Variants in PPP1R1C observed in about 807,000 individuals in gnomAD.
PPP1R1C encodes the protein protein phosphatase 1 regulatory subunit 1C.
PPP1R1C carries 15 observed loss-of-function variants against 17.4 expected under a neutral mutation model. The ratio of observed to expected loss-of-function variants is 0.86; its 90% confidence interval spans 0.58 to 1.33. The LOEUF (loss-of-function observed/expected upper bound fraction) is 1.33. Ranked by LOEUF, PPP1R1C falls within the 40% of genes most tolerant of loss-of-function variation. The pLI is 0.00. For synonymous variants in PPP1R1C, 35 were observed against 43.1 expected (o/e 0.81, Z 0.73); for missense variants, 143 against 130.0 (o/e 1.10, Z -0.48).
intron 4 of PPP1R1C, among the ~76,000 whole-genome samples, chr2:182,103,236 C>G (rs1689151109): frequency 6.6e-6 from 1 of 152,066 alleles, no homozygotes; most frequent in Admixed American, 6.5e-5. Context: ...ACTTTTTCCC[C>G]TAGTTATTAA....
rs532654675 is a variant in PPP1R1C at position 182,000,799 on chromosome 2, C to T, written c.142+12900C>T. 1.5e-3 allele frequency among the ~76,000 whole-genome samples: 231 copies of T among 152,214 alleles called. 1 individual carries two copies. The highest frequency in any genetic ancestry group is 4.7e-3 in the African/African-American group (194 of 41,538). On this transcript the variant is annotated intron_variant, in intron 2 of 4. Coordinates refer to ENST00000682840, the MANE Select transcript of PPP1R1C (RefSeq NM_001080545.3). Reference sequence around the variant, plus strand: ...GATCTATTAATACATTTGCTCCAATCGATTGCTCAATGCCTTTCTGTCACC... The same window carrying T: ...GATCTATTAATACATTTGCTCCAATTGATTGCTCAATGCCTTTCTGTCACC...
At chr2:182,010,458 T>G (rs1466747701) in intron 2 of PPP1R1C, among the ~76,000 whole-genome samples, 2 of 152,128 alleles carry the variant, frequency 1.3e-5, no homozygotes, top group East Asian at 3.8e-4. Context: ...CTACTGATGT[T>G]TGTATGTTAA....
intron 2 of PPP1R1C, among the ~76,000 whole-genome samples, chr2:182,037,373 G>A (rs1425265412): frequency 6.6e-6 from 1 of 152,166 alleles, no homozygotes; most frequent in Non-Finnish European, 1.5e-5. Context: ...AGGATCACGA[G>A]GTCAAGAGAT....
At chr2:181,997,818 G>A (rs1407910126) in intron 2 of PPP1R1C, among the ~76,000 whole-genome samples, 2 of 152,180 alleles carry the variant, frequency 1.3e-5, no homozygotes, top group African/African-American at 4.8e-5. Flanking sequence ...CATATTTGAA[G>A]ACAACTTTTC....
At chr2:182,037,052 T>G (rs992169387) in intron 2 of PPP1R1C, among the ~76,000 whole-genome samples, 4 of 152,190 alleles carry the variant, frequency 2.6e-5, no homozygotes, top group African/African-American at 9.7e-5. Flanking sequence ...GATTGAGGCT[T>G]GAAAATAACA....
At chr2:181,999,448 G>T (rs908158551) in intron 2 of PPP1R1C, among the ~76,000 whole-genome samples, 51 of 152,276 alleles carry the variant, frequency 3.3e-4, no homozygotes, top group African/African-American at 1.2e-3. Context: ...AAGTAGGTCT[G>T]TAATGTACAT....
chr2:181,992,161 T>C (rs1172949121), intron 2 of PPP1R1C, among the ~76,000 whole-genome samples: 1 of 152,154 alleles, frequency 6.6e-6, no homozygotes, highest in Admixed American at 6.6e-5. Context: ...TTTATATACC[T>C]CAGAGAAGAA....
chr2:182,076,954 G>A (rs912358946), intron 4 of PPP1R1C, among the ~76,000 whole-genome samples: 2 of 152,054 alleles, frequency 1.3e-5, no homozygotes, highest in Non-Finnish European at 2.9e-5. Context: ...AATAATAATG[G>A]AATTAGTTTT....
chr2:182,120,891 T>G (rs1689718689), downstream of PPP1R1C, among the ~76,000 whole-genome samples: 1 of 152,192 alleles, frequency 6.6e-6, no homozygotes, highest in Non-Finnish European at 1.5e-5. Context: ...ACATAAGTTT[T>G]CTTTGGGAAA....
At chr2:182,031,690 A>G (rs1370980759) in intron 2 of PPP1R1C, among the ~76,000 whole-genome samples, 1 of 152,236 alleles carries the variant, frequency 6.6e-6, no homozygotes, top group Non-Finnish European at 1.5e-5. Context: ...ACACTGATAC[A>G]GCTCTTTGAC....
intron 2 of PPP1R1C, among the ~76,000 whole-genome samples, chr2:181,996,337 G>T (rs1685612544): frequency 6.6e-6 from 1 of 152,044 alleles, no homozygotes; most frequent in Non-Finnish European, 1.5e-5. Context: ...CAATCAGGGG[G>T]CTCAGAATTC....
intron 2 of PPP1R1C, among the ~76,000 whole-genome samples, chr2:182,051,636 A>G (rs1258535160): frequency 1.3e-5 from 2 of 151,056 alleles, no homozygotes; most frequent in Non-Finnish European, 2.9e-5. Flanking sequence ...GTGCTAGGTG[A>G]GTCCCACTGC....
chr2:182,096,263 G>A (rs999550544), intron 4 of PPP1R1C, among the ~76,000 whole-genome samples: 6 of 152,118 alleles, frequency 3.9e-5, no homozygotes, highest in African/African-American at 1.2e-4. Flanking sequence ...TGGCTTCTGG[G>A]TACAGGGTGG....
In PPP1R1C at chr2:181,987,831, G is replaced by T. The variant is rs200814856; in HGVS notation, c.82-8G>T. 6.2e-7 allele frequency: 1 copy of T among 1,612,656 alleles called. No individual in the cohort carries two copies. Among genetic ancestry groups the T allele is most frequent in the Non-Finnish European group, 8.5e-7 (1 of 1,179,252 alleles). ...CACTGATATTAGCTGGGCTTTTGTC[G>T]TTCACAGATCAGGAAAAGAAGACCT... On this transcript the variant is annotated splice_polypyrimidine_tract_variant and splice_region_variant and intron_variant, in intron 1 of 4. Coordinates refer to ENST00000682840, the MANE Select transcript of PPP1R1C (RefSeq NM_001080545.3).
intron 1 of PPP1R1C, among the ~76,000 whole-genome samples, chr2:181,969,249 G>A (rs1684960748): frequency 6.6e-6 from 1 of 151,992 alleles, no homozygotes; most frequent in South Asian, 2.1e-4. Context: ...ATTTTGTACT[G>A]GAGAACTCCC....
At chr2:182,093,417 C>G (rs1032501121) in intron 4 of PPP1R1C, among the ~76,000 whole-genome samples, 1 of 152,214 alleles carries the variant, frequency 6.6e-6, no homozygotes, top group African/African-American at 2.4e-5. Context: ...TCTGACATGT[C>G]CTGGAGACAT....
At chr2:182,012,798 C>T (rs2125156813) in intron 2 of PPP1R1C, among the ~76,000 whole-genome samples, 1 of 152,096 alleles carries the variant, frequency 6.6e-6, no homozygotes, top group East Asian at 1.9e-4. Context: ...TATCATGAGG[C>T]TTGCCAATAA....
chr2:182,050,514 G>A (rs186155292), intron 2 of PPP1R1C, among the ~76,000 whole-genome samples: 1 of 152,286 alleles, frequency 6.6e-6, no homozygotes, highest in East Asian at 1.9e-4. Context: ...GCCTCTGCTT[G>A]TGTATTCTGT....
intron 1 of PPP1R1C, among the ~76,000 whole-genome samples, chr2:181,972,475 G>A (rs1307755752): frequency 6.6e-6 from 1 of 151,582 alleles, no homozygotes; most frequent in East Asian, 1.9e-4. Flanking sequence ...AATTATTCGT[G>A]TAATTACTTT....
Sources: gnomAD v4.1 joint callset for allele counts (sites outside exome capture counted in the v4.1 genomes callset) on GRCh38, gnomAD v4.1.1 for gene constraint, MANE v1.5 for transcripts, NCBI Gene and HGNC (gene_info 2026-07-23, HGNC 2026-07-21) for gene names.